The following ERBB4 variants were observed in gnomAD, a reference collection of about 807,000 sequenced individuals.
The protein encoded by ERBB4 is receptor tyrosine-protein kinase erbB-4.
A neutral mutation model predicts 158.0 loss-of-function variants in ERBB4; 42 were observed. That is an observed-to-expected ratio of 0.27 (90% CI 0.21 to 0.34). The LOEUF (loss-of-function observed/expected upper bound fraction) is 0.34. ERBB4 is among the 10% of genes least tolerant of loss of function. ERBB4 has a pLI of 1.00. For missense variants in ERBB4, 1,333 were observed against 1,624.1 expected, an observed-to-expected ratio of 0.82 and a Z score of 3.08; for synonymous variants, 583 against 558.7, an observed-to-expected ratio of 1.04 and a Z score of -0.61.
rs1357678905 is a variant in ERBB4, at chr2:211,546,716, A to G, written c.2487+15187T>C. ...TAACTACACAGACCCTTTTCTTCAT[A>G]GCCACCATTATACTATATTTTTTGT... On this transcript the variant is annotated intron_variant, in intron 20 of 27. Coordinates refer to ENST00000342788, the MANE Select transcript of ERBB4 (RefSeq NM_005235.3). Among the ~76,000 whole-genome samples, 4 of 152,092 alleles carry G rather than the reference A, an allele frequency of 2.6e-5. No individual in the cohort carries two copies. In the South Asian group the frequency reaches 8.3e-4, roughly 32 times the overall value.
At chr2:212,134,841 G>A (rs1315472022) in intron 1 of ERBB4, among the ~76,000 whole-genome samples, 1 of 151,916 alleles carries the variant, frequency 6.6e-6, no homozygotes, top group East Asian at 1.9e-4. Context: ...CCGCCACCAT[G>A]CCTGGCTAAT....
intron 3 of ERBB4, among the ~76,000 whole-genome samples, chr2:211,927,741 T>G (rs960462658): frequency 1.3e-5 from 2 of 152,074 alleles, no homozygotes; most frequent in African/African-American, 4.8e-5. Context: ...TTTTCCCATA[T>G]AGAGCTCAGT....
At chr2:211,639,541 T>C (rs73988628) in intron 16 of ERBB4, among the ~76,000 whole-genome samples, 3,069 of 152,320 alleles carry the variant, frequency 0.02, 117 homozygotes, top group African/African-American at 0.069. Context: ...TTTCTTCGCC[T>C]TAAAATCTCC....
intron 2 of ERBB4, among the ~76,000 whole-genome samples, chr2:212,115,148 T>C (rs981436929): frequency 2.6e-5 from 4 of 152,158 alleles, no homozygotes; most frequent in African/African-American, 4.8e-5. Context: ...TTTTACTATA[T>C]TATTTTTATA....
chr2:211,824,753 G>C lies in ERBB4; in HGVS notation c.422-36594C>G, dbSNP rs185556487. Among the ~76,000 whole-genome samples the C allele has an allele frequency of 7.2e-5, 11 of 151,880 alleles. No individual in the cohort carries two copies. The East Asian group carries it at 1.5e-3, about 21-fold the overall frequency. ...TAAAAAGACCGAAAATAATTAAAAA[G>C]AAAACTCACTTCAAACTATAATTTT... is the stretch of plus-strand genomic sequence containing the variant. On this transcript the variant is annotated intron_variant, in intron 3 of 27. Coordinates refer to ENST00000342788, the MANE Select transcript of ERBB4 (RefSeq NM_005235.3).
intron 1 of ERBB4, among the ~76,000 whole-genome samples, chr2:212,434,915 G>A (rs1235641668): frequency 1.3e-5 from 2 of 151,938 alleles, no homozygotes; most frequent in Non-Finnish European, 2.9e-5. Flanking sequence ...TTCATTTGCA[G>A]AAGAAGAAAA....
chr2:212,436,887 C>T (rs1484702451), intron 1 of ERBB4, among the ~76,000 whole-genome samples: 1 of 151,792 alleles, frequency 6.6e-6, no homozygotes, highest in Non-Finnish European at 1.5e-5. Context: ...ACACCAGAGA[C>T]AAGAATAGGT....
At chr2:212,045,439 TAGAGG>T (rs2077237399) in intron 2 of ERBB4, among the ~76,000 whole-genome samples, 1 of 152,030 alleles carries the variant, frequency 6.6e-6, no homozygotes, top group African/African-American at 2.4e-5. Context: ...GCCTGGGCAA[TAGAGG>T]AGAGAGGAGA....
intron 2 of ERBB4, among the ~76,000 whole-genome samples, chr2:211,975,065 C>T: frequency 6.6e-6 from 1 of 152,104 alleles, no homozygotes; most frequent in East Asian, 1.9e-4. Context: ...CCCACTGCAG[C>T]CTCAAAGTCC....
In ERBB4 at chr2:211,913,604, AAAAT is replaced by A. The variant is rs139577179; in HGVS notation, c.421+33822_421+33825del. On this transcript the variant is annotated intron_variant, in intron 3 of 27. Coordinates refer to ENST00000342788, the MANE Select transcript of ERBB4 (RefSeq NM_005235.3). ...CGACAGAGCAAGACTCTATTTCAAA[AAAAT>A]ATATATATATATGTGTGTGTGTGTG... Among the ~76,000 whole-genome samples, 423 of 132,908 alleles carry A rather than the reference AAAAT, an allele frequency of 3.2e-3. 3 individuals are homozygous for A. The highest frequency in any genetic ancestry group is 9.3e-3 in the African/African-American group (311 of 33,438). The allele number at this position is 132,908 out of a possible 152,430, so 87.2% of individuals were successfully genotyped here.
intron 3 of ERBB4, among the ~76,000 whole-genome samples, chr2:211,881,491 A>G (rs1045891517): frequency 4.0e-5 from 6 of 150,938 alleles, no homozygotes. Flanking sequence ...CTGCCATGGA[A>G]GCTCCATCTT....
chr2:212,248,636 TAA>T (rs1559842220), intron 1 of ERBB4, among the ~76,000 whole-genome samples: 1 of 152,132 alleles, frequency 6.6e-6, no homozygotes, highest in Non-Finnish European at 1.5e-5. Flanking sequence ...TCCGCCACGT[TAA>T]GAGAAAATTT....
chr2:211,603,842 G>T lies in ERBB4; in HGVS notation c.2301+15335C>A, dbSNP rs561989118. 3.3e-5 allele frequency among the ~76,000 whole-genome samples: 5 copies of T among 152,326 alleles called. No individual in the cohort carries two copies. In the East Asian group the frequency reaches 5.8e-4, roughly 18 times the overall value. On this transcript the variant is annotated intron_variant, in intron 19 of 27. Transcript: ENST00000342788. ...CTGGGCAGAAGCTGAGATACACGAG[G>T]TCTCTATAGATGCTTACAGTGTTAA...
chr2:212,156,773 T>C (rs1559615900), intron 1 of ERBB4, among the ~76,000 whole-genome samples: 1 of 152,140 alleles, frequency 6.6e-6, no homozygotes, highest in African/African-American at 2.4e-5. Flanking sequence ...ATCCAATCAG[T>C]TGTCCAAGAC....
chr2:211,986,078 T>C (rs2125241965), intron 2 of ERBB4, among the ~76,000 whole-genome samples: 1 of 152,248 alleles, frequency 6.6e-6, no homozygotes, highest in East Asian at 1.9e-4. Flanking sequence ...CATATGGCCA[T>C]GTGAAGATGG....
intron 1 of ERBB4, among the ~76,000 whole-genome samples, chr2:212,344,601 G>A (rs1394784): frequency 0.44 from 53,626 of 120,524 alleles, 11,436 homozygotes; most frequent in East Asian, 0.78. Flanking sequence ...TGGTAATTTC[G>A]TAATACAAAG....
intron 1 of ERBB4, among the ~76,000 whole-genome samples, chr2:212,366,486 A>C (rs907897742): frequency 6.6e-5 from 10 of 152,004 alleles, no homozygotes; most frequent in African/African-American, 2.2e-4. Context: ...AAGGGAAACC[A>C]GATCATAAAA....
chr2:212,080,825 T>C (rs1002835609), intron 2 of ERBB4, among the ~76,000 whole-genome samples: 12 of 152,164 alleles, frequency 7.9e-5, no homozygotes, highest in Admixed American at 3.9e-4. Context: ...ACATCTGAAA[T>C]GACAAAAAGG....
chr2:211,825,762 ATATATAT>A (rs1310229190), intron 3 of ERBB4, among the ~76,000 whole-genome samples: 4 of 146,284 alleles, frequency 2.7e-5, no homozygotes, highest in Non-Finnish European at 6.0e-5. Context: ...TTGTCATTAT[ATATATAT>A]TATATATTAT....
Sources: gnomAD v4.1 joint callset for allele counts (sites outside exome capture counted in the v4.1 genomes callset) on GRCh38, gnomAD v4.1.1 for gene constraint, MANE v1.5 for transcripts, NCBI Gene and HGNC (gene_info 2026-07-23, HGNC 2026-07-21) for gene names.